DRAM2: variants seen among roughly 807,000 people sequenced by gnomAD.
DRAM2 encodes DNA damage-regulated autophagy modulator protein 2.
In DRAM2, 26 loss-of-function variants were observed where a neutral mutation model predicts 33.5. That is an observed-to-expected ratio of 0.78 (90% CI 0.57 to 1.08). The LOEUF (loss-of-function observed/expected upper bound fraction) is 1.08, where lower values mean the gene tolerates loss of function less well. Ranked by LOEUF, DRAM2 falls within the 50% of genes least tolerant of loss-of-function variation. The pLI is 0.00. For missense variants in DRAM2, 311 were observed against 318.1 expected (o/e 0.98, Z 0.17); for synonymous variants, 98 against 109.5 (o/e 0.89, Z 0.66).
chr1:111,137,251 CAAAAAAAAAA>C (rs71580572), intron 3 of DRAM2, among the ~76,000 whole-genome samples: 3 of 68,680 alleles, frequency 4.4e-5, no homozygotes, highest in East Asian at 3.4e-4. Context: ...GATTCCATCT[CAAAAAAAAAA>C]AAAAAAAAAA....
chr1:111,121,605 A>T (rs1650067072), intron 6 of DRAM2, among the ~76,000 whole-genome samples: 1 of 152,172 alleles, frequency 6.6e-6, no homozygotes, highest in Non-Finnish European at 1.5e-5. Context: ...ATTTTTCTGA[A>T]CAACATATAC....
At chr1:111,129,239 AAAC>A (rs1268701221) in intron 4 of DRAM2, among the ~76,000 whole-genome samples, 1 of 152,230 alleles carries the variant, frequency 6.6e-6, no homozygotes, top group Admixed American at 6.5e-5. Context: ...TGAATAAATG[AAAC>A]AACCACAACA....
intron 3 of DRAM2, among the ~76,000 whole-genome samples, chr1:111,137,150 C>T (rs1037860163): frequency 8.7e-5 from 13 of 148,726 alleles, no homozygotes; most frequent in African/African-American, 2.7e-4. Flanking sequence ...CTACTCGGGA[C>T]GCTGAGGCAG....
Position 111,124,855 on chromosome 1 carries a change from TATAACGAAC to T in DRAM2, c.217_225del (p.Val73_Tyr75del), listed in dbSNP as rs786205663. 11 of 1,612,952 alleles carry T rather than the reference TATAACGAAC, an allele frequency of 6.8e-6. No homozygotes were observed. The highest frequency in any genetic ancestry group is 9.3e-6 in the Non-Finnish European group (11 of 1,179,530). ...TCAGGACTCAGAGCATGAACTTGCT[TATAACGAAC>T]ATAAATGGTAGCAATGCCTGGGAAA... On this transcript the variant is annotated inframe_deletion, in exon 6 of 10. Coordinates refer to ENST00000484310, the MANE Select transcript of DRAM2 (RefSeq NM_001349884.2).
chr1:111,126,321 G>A, intron 4 of DRAM2, 27 bp from the exon 5 acceptor site: 1 of 1,399,872 alleles, frequency 7.1e-7, no homozygotes, highest in Non-Finnish European at 1.0e-6. Context: ...AAGGTATGTG[G>A]ATTTCTCATA....
At chr1:111,120,046 T>C in intron 7 of DRAM2, 87 bp from the exon 8 acceptor site, 1 of 1,172,748 alleles carries the variant, frequency 8.5e-7, no homozygotes, top group East Asian at 2.4e-5. Flanking sequence ...TACTCACACA[T>C]TTATTGCTAA....
intron 6 of DRAM2, among the ~76,000 whole-genome samples, chr1:111,121,065 A>G (rs1649955868): frequency 6.6e-6 from 1 of 152,114 alleles, no homozygotes; most frequent in South Asian, 2.1e-4. Context: ...TAGTAAAGGT[A>G]CATAAACAAT....
At chr1:111,118,333 G>T in intron 9 of DRAM2, 66 bp from the exon 10 acceptor site, 2 of 1,032,490 alleles carry the variant, frequency 1.9e-6, no homozygotes, top group Non-Finnish European at 2.9e-6. Flanking sequence ...CCTTCAATAT[G>T]TTCTATAGGC....
chr1:111,124,839 A>G lies in DRAM2; in HGVS notation c.242T>C (p.Leu81Pro), dbSNP rs2101042487. 2 of 1,613,442 alleles carry G rather than the reference A, an allele frequency of 1.2e-6. No individual in the cohort carries two copies. Among genetic ancestry groups the G allele is most frequent in the Non-Finnish European group, 1.7e-6 (2 of 1,179,652 alleles). Reference sequence around the variant, plus strand: ...GATGATAACGTTCTCTTCAGGACTCAGAGCATGAACTTGCTTATAACGAAC... The same window carrying G: ...GATGATAACGTTCTCTTCAGGACTCGGAGCATGAACTTGCTTATAACGAAC... ...IYVRYKQVHA[L>P]SPEENVIIKL... The change falls in exon 6 of 10, where the codon CTG (leucine) becomes CCG (proline). Residue 81 changes from leucine (L) to proline (P), a missense_variant. By Grantham distance (98) the Leu-to-Pro change is moderately conservative. Transcript: ENST00000484310.
chr1:111,136,009 T>A (rs1159107542), intron 3 of DRAM2, among the ~76,000 whole-genome samples: 1 of 152,224 alleles, frequency 6.6e-6, no homozygotes, highest in African/African-American at 2.4e-5. Context: ...TATAAAGTCC[T>A]CACATGCTGT....
intron 9 of DRAM2, 181 bp from the exon 10 acceptor site, chr1:111,118,448 T>C (rs1649354370): frequency 9.7e-6 from 5 of 513,140 alleles, no homozygotes; most frequent in Admixed American, 3.7e-5. Context: ...AAAACCAAGC[T>C]TCTCAATTCA....
intron 3 of DRAM2, among the ~76,000 whole-genome samples, chr1:111,135,247 C>T (rs1186971552): frequency 6.6e-6 from 1 of 152,188 alleles, no homozygotes; most frequent in Non-Finnish European, 1.5e-5. Flanking sequence ...GTACCATTTA[C>T]CTCAACTACC....
intron 4 of DRAM2, among the ~76,000 whole-genome samples, chr1:111,130,936 G>A (rs964647524): frequency 1.3e-5 from 2 of 151,578 alleles, no homozygotes; most frequent in Non-Finnish European, 2.9e-5. Flanking sequence ...GAACTCGGGA[G>A]GCGGAGGTTG....
At chr1:111,120,784 T>C (rs1571017979) in intron 6 of DRAM2, 91 bp from the exon 7 acceptor site, 3 of 1,186,016 alleles carry the variant, frequency 2.5e-6, no homozygotes, top group Non-Finnish European at 3.4e-6. Context: ...GAGATTTCAA[T>C]AGGACATTCA....
chr1:111,125,875 A>T (rs919532114), intron 5 of DRAM2, among the ~76,000 whole-genome samples: 1 of 152,178 alleles, frequency 6.6e-6, no homozygotes, highest in South Asian at 2.1e-4. Context: ...ATCCCAAAGG[A>T]ATTTAGTTAG....
chr1:111,129,640 T>C (rs961535586), intron 4 of DRAM2, among the ~76,000 whole-genome samples: 3 of 152,174 alleles, frequency 2.0e-5, no homozygotes, highest in Admixed American at 1.3e-4. Context: ...ATTACCTATC[T>C]AGCAATCTCA....
At chr1:111,118,301 T>C in intron 9 of DRAM2, 34 bp from the exon 10 acceptor site, 11 of 1,487,102 alleles carry the variant, frequency 7.4e-6, no homozygotes, top group Non-Finnish European at 1.0e-5. Flanking sequence ...TATAGAAGTT[T>C]GCTCCTTAAA....
In DRAM2 at chr1:111,126,229, A is replaced by G. The variant is rs1557890539; in HGVS notation, c.197T>C (p.Leu66Ser). The G allele has an allele frequency of 1.1e-5, 18 of 1,606,516 alleles. No homozygotes were observed. Among genetic ancestry groups the G allele is most frequent in the Non-Finnish European group, 1.4e-5 (17 of 1,173,964 alleles). The change falls in exon 5 of 10, where the codon TTA becomes TCA. Residue 66 changes from leucine (L) to serine (S), a missense_variant and splice_region_variant. Leu to Ser is a moderately radical substitution (Grantham distance 145). Transcript: ENST00000484310. Reference sequence around the variant, plus strand: ...TTAAAATCACTTTCATTACTTACATAAAACTGCCGCAATATTTAGCATTGC... The same window carrying G: ...TTAAAATCACTTTCATTACTTACATGAAACTGCCGCAATATTTAGCATTGC... ...FGAMLNIAAV[L>S]CIATIYVRYK...
intron 4 of DRAM2, among the ~76,000 whole-genome samples, chr1:111,128,638 T>C (rs1228024375): frequency 6.6e-6 from 1 of 152,204 alleles, no homozygotes; most frequent in Non-Finnish European, 1.5e-5. Context: ...CTTTAAATCA[T>C]CTCTAGATTA....
Sources: gnomAD v4.1 joint callset for allele counts (sites outside exome capture counted in the v4.1 genomes callset) on GRCh38, gnomAD v4.1.1 for gene constraint, MANE v1.5 for transcripts, NCBI Gene and HGNC (gene_info 2026-07-23, HGNC 2026-07-21) for gene names.